Variants in DENND2B observed in about 807,000 individuals in gnomAD.
DENND2B encodes the protein DENN domain containing 2B.
DENND2B carries 32 observed loss-of-function variants against 116.0 expected under a neutral mutation model. The observed-to-expected ratio is 0.28, with a 90% CI of 0.21 to 0.37. The LOEUF is 0.37. Among genes scored for constraint, DENND2B ranks in the 10% least tolerant of loss-of-function variants. The pLI, the probability that DENND2B is intolerant of heterozygous loss-of-function variation, is 1.00. For synonymous variants in DENND2B, 588 were observed against 583.9 expected, an observed-to-expected ratio of 1.01 and a Z score of -0.10; for missense variants, 1,276 against 1,477.7, an observed-to-expected ratio of 0.86 and a Z score of 2.24.
intron 14 of DENND2B, 51 bp from the exon 15 acceptor site, chr11:8,699,441 A>C (rs1344947505): frequency 6.5e-7 from 1 of 1,526,872 alleles, no homozygotes; most frequent in Admixed American, 2.6e-5. Flanking sequence ...CCAGGAACTT[A>C]GAGCTCGCTG....
chr11:8,852,993 G>A (rs1431476870), intron 3 of DENND2B, among the ~76,000 whole-genome samples: 1 of 152,200 alleles, frequency 6.6e-6, no homozygotes, highest in Non-Finnish European at 1.5e-5. Flanking sequence ...CAAGGTGATG[G>A]TATTAAGAGG....
intron 2 of DENND2B, among the ~76,000 whole-genome samples, chr11:8,733,196 C>T (rs755254586): frequency 1.3e-5 from 2 of 152,186 alleles, no homozygotes; most frequent in African/African-American, 4.8e-5. Context: ...GGGTAGGGAG[C>T]GGCAGGGCAA....
chr11:8,783,784 G>C (rs898542147), intron 1 of DENND2B, among the ~76,000 whole-genome samples: 1 of 152,172 alleles, frequency 6.6e-6, no homozygotes, highest in Admixed American at 6.5e-5. Context: ...AGAAAAAGAG[G>C]GAGATATCAT....
At chr11:8,801,689 A>AAAAAAAGAAAG (rs56084309) in intron 1 of DENND2B, among the ~76,000 whole-genome samples, 9 of 117,698 alleles carry the variant, frequency 7.6e-5, no homozygotes, top group Admixed American at 2.8e-4. Context: ...AAAAAAAAAA[A>AAAAAAAGAAAG]AAAGAAAGAA....
chr11:8,718,327 C>T, intron 4 of DENND2B: 1 of 1,524,510 alleles, frequency 6.6e-7, no homozygotes, highest in Non-Finnish European at 8.8e-7. Flanking sequence ...GTCCCTTCAC[C>T]CAACTCTCAG....
intron 3 of DENND2B, among the ~76,000 whole-genome samples, chr11:8,856,549 A>G (rs927234311): frequency 1.3e-5 from 2 of 152,144 alleles, no homozygotes; most frequent in Non-Finnish European, 2.9e-5. Flanking sequence ...TTGTGGGCCC[A>G]GGAGACAGGT....
rs190753128 is a variant in DENND2B, at chr11:8,854,706, T to A, written c.-156+2637A>T. 3.7e-3 allele frequency among the ~76,000 whole-genome samples: 563 copies of A among 151,792 alleles called. 7 individuals carry two copies. The highest frequency in any genetic ancestry group is 0.013 in the African/African-American group (534 of 41,396). ...GCCTGGGTAACATGACAAGACTCTA[T>A]CTCTATAAATTATTTTTCTTTTTCC... is the stretch of plus-strand genomic sequence containing the variant. On this transcript the variant is annotated intron_variant, in intron 3 of 6. Transcript: ENST00000524757.
In DENND2B at chr11:8,826,974, C is replaced by T. The variant is rs1024166311; in HGVS notation, c.-115+12336G>A. 4.6e-5 allele frequency among the ~76,000 whole-genome samples: 7 copies of T among 151,984 alleles called. No individual in the cohort carries two copies. The East Asian group carries it at 5.8e-4, about 13-fold the overall frequency. On this transcript the variant is annotated intron_variant, in intron 4 of 6. Transcript: ENST00000524757. The stretch of plus-strand genomic sequence containing the variant: ...GAAAAGCAGAGGAATGTGGAGGGAA[C>T]GGGGAGAGTAGAAAGCAATTTAAGA...
chr11:8,906,195 T>A (rs866180684), intron 1 of DENND2B, among the ~76,000 whole-genome samples: 7 of 127,776 alleles, frequency 5.5e-5, no homozygotes, highest in Admixed American at 1.1e-4. Context: ...AATAAAGAAG[T>A]CTTTTTTTTC....
intron 3 of DENND2B, among the ~76,000 whole-genome samples, chr11:8,843,422 G>T (rs1174346525): frequency 6.6e-6 from 1 of 152,150 alleles, no homozygotes; most frequent in Non-Finnish European, 1.5e-5. Flanking sequence ...TACAAAACCT[G>T]CAAGAGGAAC....
intron 1 of DENND2B, among the ~76,000 whole-genome samples, chr11:8,771,226 A>C (rs538838800): frequency 6.6e-6 from 1 of 152,312 alleles, no homozygotes; most frequent in African/African-American, 2.4e-5. Context: ...ATTTCAGAGG[A>C]GGCAAAGCTA....
intron 4 of DENND2B, among the ~76,000 whole-genome samples, chr11:8,820,745 T>C (rs2061729710): frequency 6.6e-6 from 1 of 152,204 alleles, no homozygotes; most frequent in Non-Finnish European, 1.5e-5. Context: ...AGAGCCCCAC[T>C]AAACTGATTT....
intron 4 of DENND2B, chr11:8,718,097 C>CCCCCCCACCCCCCCACCCCCCCAA (rs1565706319): frequency 6.4e-5 from 17 of 264,362 alleles, no homozygotes; most frequent in Non-Finnish European, 9.0e-5. Flanking sequence ...AGCAGACCCA[C>CCCCCCCACCCCCCCACCCCCCCAA]CCCCCCACCC....
chr11:8,895,548 T>C (rs1190519779), intron 1 of DENND2B: 2 of 151,994 alleles, frequency 1.3e-5, no homozygotes, highest in Non-Finnish European at 2.9e-5. Context: ...GTCAAAATAA[T>C]AGAGACAGAA....
At chr11:8,849,415 C>T (rs1488818732) in intron 3 of DENND2B, among the ~76,000 whole-genome samples, 1 of 134,506 alleles carries the variant, frequency 7.4e-6, no homozygotes, top group Non-Finnish European at 1.6e-5. Flanking sequence ...ATCACCTGAA[C>T]CTGGGAGGTG....
intron 1 of DENND2B, among the ~76,000 whole-genome samples, chr11:8,773,132 G>A (rs1244694937): frequency 6.6e-6 from 1 of 152,136 alleles, no homozygotes; most frequent in Non-Finnish European, 1.5e-5. Context: ...GCAGACTTCA[G>A]GCCAGCCCAT....
Position 8,707,190 on chromosome 11 carries a change from G to A in DENND2B, c.2466C>T (p.Ser822=), listed in dbSNP as rs769711435. ...TCATGAAAGGATAGACCAATGCAGC[G>A]GAGATCCCACGCCGGCGCTCCACCT... The part of the protein sequence containing the change: ...LDEVERRRGI[S]AALVYPFMRS... Residue 822 remains serine, a synonymous_variant, in exon 13 of 20, where the codon TCC becomes TCT. Transcript: ENST00000313726. This position sits in a 1 kb window ranked among gnomAD's most constrained non-coding sequence, Gnocchi z 4.8. The A allele has an allele frequency of 8.1e-6, 13 of 1,613,412 alleles. No homozygotes were observed. The highest frequency in any genetic ancestry group is 3.3e-5 in the Admixed American group (2 of 59,970).
chr11:8,885,366 C>T (rs1357329936), intron 1 of DENND2B, among the ~76,000 whole-genome samples: 1 of 152,192 alleles, frequency 6.6e-6, no homozygotes, highest in Non-Finnish European at 1.5e-5. Context: ...TCTGGAAGGA[C>T]AAAGTAATTA....
rs541508662 is a variant in DENND2B, at chr11:8,726,282, C to T, written c.1341-73G>A. 4.4e-5 allele frequency: 67 copies of T among 1,538,334 alleles called. 1 individual carries two copies. The South Asian group carries it at 7.9e-4, about 18-fold the overall frequency. Reference sequence around the variant, plus strand: ...CTGCCTTGCTGGGGAATGTCCATGGCAACAGCAAAGACCATAGGCCCTCCT... The same window carrying T: ...CTGCCTTGCTGGGGAATGTCCATGGTAACAGCAAAGACCATAGGCCCTCCT... On this transcript the variant is annotated intron_variant, in intron 3 of 19. Coordinates refer to ENST00000313726, the MANE Select transcript of DENND2B (RefSeq NM_213618.2).
Sources: allele counts gnomAD v4.1 joint callset (sites outside exome capture counted in the v4.1 genomes callset), GRCh38; gene constraint gnomAD v4.1.1; non-coding constraint Gnocchi (gnomAD v3.1); transcripts MANE v1.5; gene names NCBI Gene and HGNC (gene_info 2026-07-23, HGNC 2026-07-21).